The following FNBP1 variants were observed in gnomAD, a reference collection of about 807,000 sequenced individuals.
FNBP1 encodes the protein formin-binding protein 1.
A neutral mutation model predicts 90.6 loss-of-function variants in FNBP1; 26 were observed. That is an observed-to-expected ratio of 0.29 (90% CI 0.21 to 0.40). The LOEUF (loss-of-function observed/expected upper bound fraction) is 0.40. Among genes scored for constraint, FNBP1 ranks in the 10% least tolerant of loss-of-function variants. The pLI, the probability that FNBP1 is intolerant of heterozygous loss-of-function variation, is 1.00. For missense variants in FNBP1, 635 were observed against 768.0 expected (o/e 0.83, Z 2.05); for synonymous variants, 260 against 265.2 (o/e 0.98, Z 0.19).
chr9:129,916,048 C>A (rs1308249657), intron 10 of FNBP1, 68 bp from the exon 11 acceptor site: 24 of 1,106,478 alleles, frequency 2.2e-5, no homozygotes, highest in Admixed American at 1.1e-4. Flanking sequence ...GAAAAAAAAA[C>A]AACAACACAT....
chr9:130,043,228 G>GGGGGAGGGGCGGGA (rs1051600673), upstream of FNBP1: 11 of 329,516 alleles, frequency 3.3e-5, no homozygotes, highest in South Asian at 3.1e-4. Flanking sequence ...CCCGGAGAGC[G>GGGGGAGGGGCGGGA]GGGGAGGGGC....
Position 130,042,714 on chromosome 9 carries a change from A to G in FNBP1, c.24+238T>C, listed in dbSNP as rs1382589893. Reference sequence around the variant, plus strand: ...GGGAGGCCCGCCCGCGCCGTTCCTCAGGCCGCCGGGGACCCGCACCAACTC... The same window carrying G: ...GGGAGGCCCGCCCGCGCCGTTCCTCGGGCCGCCGGGGACCCGCACCAACTC... On this transcript the variant is annotated intron_variant, in intron 1 of 16. Coordinates refer to ENST00000446176, the MANE Select transcript of FNBP1 (RefSeq NM_015033.3). This position sits in a 1 kb window ranked among gnomAD's most constrained non-coding sequence, Gnocchi z 5.5. Among the ~76,000 whole-genome samples, 5 of 151,136 alleles carry G rather than the reference A, an allele frequency of 3.3e-5. No homozygotes were observed. The highest frequency in any genetic ancestry group is 1.2e-4 in the African/African-American group (5 of 41,160).
chr9:129,989,460 T>A (rs1589108582), intron 2 of FNBP1, among the ~76,000 whole-genome samples: 1 of 152,162 alleles, frequency 6.6e-6, no homozygotes, highest in East Asian at 1.9e-4. Context: ...GCCTGTACCC[T>A]ACCGATTCAC....
rs1270476152 is a variant in FNBP1, at chr9:129,890,769, C to T, written c.1847-223G>A. Among the ~76,000 whole-genome samples, 2 of 152,152 alleles carry T rather than the reference C, an allele frequency of 1.3e-5. No individual in the cohort carries two copies. The highest frequency in any genetic ancestry group is 6.5e-5 in the Admixed American group (1 of 15,272). ...TCTCTCTAGCCTTTAGCTGGTCTTT[C>T]CTTCAGAGTTAAGAGAAGCCCAAAC... On this transcript the variant is annotated intron_variant, in intron 16 of 16. Coordinates refer to ENST00000446176, the MANE Select transcript of FNBP1 (RefSeq NM_015033.3). This position sits in a 1 kb window ranked among gnomAD's most constrained non-coding sequence, Gnocchi z 5.8.
intron 6 of FNBP1, among the ~76,000 whole-genome samples, chr9:129,945,943 G>A (rs768573279): frequency 6.6e-6 from 1 of 152,156 alleles, no homozygotes; most frequent in Non-Finnish European, 1.5e-5. Flanking sequence ...CAAGGCAGAC[G>A]GATCACTTGA....
chr9:129,979,476 CAAAA>C (rs3830432), intron 2 of FNBP1, 102 bp from the exon 3 acceptor site: 4 of 794,230 alleles, frequency 5.0e-6, no homozygotes, highest in Admixed American at 2.6e-5. Flanking sequence ...TTAAAACAAA[CAAAA>C]AAAGTCCACA....
In FNBP1 at chr9:129,957,489, G is replaced by A; in HGVS notation, c.409-25C>T. On this transcript the variant is annotated intron_variant, in intron 5 of 16. Transcript: ENST00000446176. This position sits in a 1 kb window ranked among gnomAD's most constrained non-coding sequence, Gnocchi z 4.3. Reference sequence around the variant, plus strand: ...TCTAAAATCAGAGGAAAATAATTATGAAACCATAAGAGTCCTACGAGAAGA... The same window carrying A: ...TCTAAAATCAGAGGAAAATAATTATAAAACCATAAGAGTCCTACGAGAAGA... 6.7e-7 allele frequency: 1 copy of A among 1,494,234 alleles called. No individual in the cohort carries two copies. Among genetic ancestry groups the A allele is most frequent in the African/African-American group, 1.4e-5 (1 of 72,742 alleles). The allele number at this position is 1,494,234 out of a possible 1,614,324, so 92.6% of individuals were successfully genotyped here.
In FNBP1 at chr9:130,027,681, G is replaced by T. The variant is rs566876675; in HGVS notation, c.24+15271C>A. ...GCTGGGAAGGCTTACAGGCTGGGGGGACCCAACTGCTGGGCGTTAGAATCA... is the reference window on the plus strand; with the variant it reads ...GCTGGGAAGGCTTACAGGCTGGGGGTACCCAACTGCTGGGCGTTAGAATCA... On this transcript the variant is annotated intron_variant, in intron 1 of 16. Coordinates refer to ENST00000446176, the MANE Select transcript of FNBP1 (RefSeq NM_015033.3). Among the ~76,000 whole-genome samples the T allele has an allele frequency of 2.6e-5, 4 of 152,186 alleles. No homozygotes were observed. In the East Asian group the frequency reaches 7.7e-4, roughly 29 times the overall value.
chr9:129,986,231 A>G (rs931743901), intron 2 of FNBP1, among the ~76,000 whole-genome samples: 1 of 152,134 alleles, frequency 6.6e-6, no homozygotes, highest in African/African-American at 2.4e-5. Flanking sequence ...GCAAGAAAAC[A>G]TATAAGGAAA....
In FNBP1 at chr9:129,887,594, C is replaced by T. The variant is rs1031604482; in HGVS notation, c.*2945G>A. On this transcript the variant is annotated 3_prime_UTR_variant, in exon 17 of 17. Transcript: ENST00000446176. ...AAAAGGCATCGAGACCTTTGCGCTG[C>T]GCTGGTTAGACAAGCCGCAGGCTTA... 6 of 215,004 alleles carry T rather than the reference C, an allele frequency of 2.8e-5. No homozygotes were observed. Among genetic ancestry groups the T allele is most frequent in the South Asian group, 3.7e-4 (2 of 5,364 alleles). The allele number at this position is 215,004 out of a possible 1,614,324, so 13.3% of individuals were successfully genotyped here. A position where few individuals can be genotyped will look rare whatever the true frequency, so the allele number is the denominator to read the frequency against.
At chr9:129,950,343 AG>A (rs1369499964) in intron 6 of FNBP1, among the ~76,000 whole-genome samples, 1 of 152,220 alleles carries the variant, frequency 6.6e-6, no homozygotes, top group Non-Finnish European at 1.5e-5. Context: ...CTTGGAAAGG[AG>A]GTAAGTGGCA....
At chr9:129,990,905 G>GCAGACAGA (rs1392703994) in intron 2 of FNBP1, among the ~76,000 whole-genome samples, 4 of 151,590 alleles carry the variant, frequency 2.6e-5, no homozygotes, top group African/African-American at 9.7e-5. Flanking sequence ...AGAAAAGAAG[G>GCAGACAGA]CAGACAGAGA....
At position 130,031,318 on chromosome 9, in the gene FNBP1, C is replaced by A. The variant is rs184050587; in HGVS notation, c.24+11634G>T. Among the ~76,000 whole-genome samples, 22 of 152,356 alleles carry A rather than the reference C, an allele frequency of 1.4e-4. No individual in the cohort carries two copies. The highest frequency in any genetic ancestry group is 1.4e-3 in the Admixed American group (22 of 15,306). The stretch of plus-strand genomic sequence containing the variant: ...TGGCACCATAGGTACCTGCTTTCAG[C>A]AGTTCAAGGGTATTTCCCATGCTCT... On this transcript the variant is annotated intron_variant, in intron 1 of 16. Transcript: ENST00000446176. The surrounding 1 kb of genome is among the most constrained non-coding windows in gnomAD (Gnocchi z 4.2).
intron 1 of FNBP1, among the ~76,000 whole-genome samples, chr9:130,040,153 CT>C (rs2059692947): frequency 6.6e-6 from 1 of 152,054 alleles, no homozygotes; most frequent in Admixed American, 6.6e-5. Flanking sequence ...TTTCATAATC[CT>C]TCATTATTCT....
chr9:130,040,362 C>T (rs1178355427), intron 1 of FNBP1, among the ~76,000 whole-genome samples: 4 of 152,074 alleles, frequency 2.6e-5, no homozygotes, highest in Admixed American at 2.0e-4. Context: ...CTCACGCCTG[C>T]GATCCCAGCA....
At chr9:129,970,979 A>G (rs942784321) in intron 4 of FNBP1, among the ~76,000 whole-genome samples, 2 of 151,804 alleles carry the variant, frequency 1.3e-5, no homozygotes, top group Admixed American at 6.6e-5. Context: ...CTCCGCCTCC[A>G]GGTTCAAGCA....
chr9:129,974,112 G>A (rs927890254), intron 4 of FNBP1, among the ~76,000 whole-genome samples: 1 of 150,628 alleles, frequency 6.6e-6, no homozygotes, highest in Non-Finnish European at 1.5e-5. Flanking sequence ...GTGAGTCACC[G>A]CGCCCAGCCA....
intron 1 of FNBP1, among the ~76,000 whole-genome samples, chr9:130,007,888 C>A (rs544608121): frequency 6.6e-6 from 1 of 151,378 alleles, no homozygotes; most frequent in Non-Finnish European, 1.5e-5. Context: ...TGGTGGCGAG[C>A]GCCTGTAATC....
chr9:129,961,428 T>C (rs1380530758), intron 4 of FNBP1, among the ~76,000 whole-genome samples: 1 of 152,058 alleles, frequency 6.6e-6, no homozygotes, highest in African/African-American at 2.4e-5. Flanking sequence ...GAGTCTTCAG[T>C]ATAAAGTGGA....
Sources: allele counts gnomAD v4.1 joint callset (sites outside exome capture counted in the v4.1 genomes callset), GRCh38; gene constraint gnomAD v4.1.1; non-coding constraint Gnocchi (gnomAD v3.1); transcripts MANE v1.5; gene names NCBI Gene and HGNC (gene_info 2026-07-23, HGNC 2026-07-21).